The following LTBP1 variants were observed in gnomAD, a reference collection of about 807,000 sequenced individuals.
LTBP1 encodes the protein latent transforming growth factor beta binding protein 1, also known as latent-transforming growth factor beta-binding protein 1.
In LTBP1, 129 loss-of-function variants were observed where a neutral mutation model predicts 207.6. The ratio of observed to expected loss-of-function variants is 0.62; its 90% CI spans 0.54 to 0.72. The LOEUF (loss-of-function observed/expected upper bound fraction) is 0.72, where lower values mean the gene tolerates loss of function less well. LTBP1 is among the 30% of genes least tolerant of loss of function. LTBP1 has a pLI of 0.00. For synonymous variants in LTBP1, 963 were observed against 833.7 expected (o/e 1.16, Z -2.67); for missense variants, 2,281 against 2,217.2 (o/e 1.03, Z -0.58).
At chr2:33,340,419 G>A (rs1657816221) in intron 24 of LTBP1, among the ~76,000 whole-genome samples, 1 of 152,188 alleles carries the variant, frequency 6.6e-6, no homozygotes, top group African/African-American at 2.4e-5. Flanking sequence ...CAGGGCGGGA[G>A]CCTTGGCAGA....
At chr2:33,157,364 G>T (rs1368380563) in intron 5 of LTBP1, among the ~76,000 whole-genome samples, 1 of 152,356 alleles carries the variant, frequency 6.6e-6, no homozygotes, top group African/African-American at 2.4e-5. Flanking sequence ...ACAGTTGAAA[G>T]CTGATTTACC....
chr2:33,231,215 A>G lies in LTBP1; in HGVS notation c.1876+9064A>G, dbSNP rs139976686. On this transcript the variant is annotated intron_variant, in intron 9 of 33. Coordinates refer to ENST00000404816, the MANE Select transcript of LTBP1 (RefSeq NM_206943.4). ...TAGCTGGCTCCCTATGAGCCCGTTA[A>G]AGGAAATAGGAAAGAGCTAGCCACA... 3.5e-3 allele frequency among the ~76,000 whole-genome samples: 531 copies of G among 152,308 alleles called. 3 individuals carry two copies. The highest frequency in any genetic ancestry group is 0.014 in the Middle Eastern group (4 of 294).
At chr2:33,071,028 T>C (rs1034410623) in intron 3 of LTBP1, among the ~76,000 whole-genome samples, 1 of 152,222 alleles carries the variant, frequency 6.6e-6, no homozygotes, top group Non-Finnish European at 1.5e-5. Flanking sequence ...TCATACATGA[T>C]CTGGCCACAG....
At chr2:33,065,896 C>T (rs1034240155) in intron 3 of LTBP1, among the ~76,000 whole-genome samples, 2 of 152,120 alleles carry the variant, frequency 1.3e-5, no homozygotes, top group African/African-American at 4.8e-5. Context: ...TTTATATTTT[C>T]ACTTTCACTC....
chr2:33,051,015 G>C (rs568286756), intron 3 of LTBP1, among the ~76,000 whole-genome samples: 2 of 152,068 alleles, frequency 1.3e-5, no homozygotes, highest in African/African-American at 2.4e-5. Context: ...GAGCCACCGC[G>C]CCCGGCCTGA....
chr2:33,367,678 C>T (rs758380982), intron 31 of LTBP1, among the ~76,000 whole-genome samples: 2 of 152,096 alleles, frequency 1.3e-5, no homozygotes, highest in Non-Finnish European at 2.9e-5. Flanking sequence ...GTAAAACACA[C>T]GATTTTATTC....
intron 3 of LTBP1, among the ~76,000 whole-genome samples, chr2:33,043,703 A>G (rs894292924): frequency 5.3e-5 from 8 of 152,206 alleles, no homozygotes; most frequent in Non-Finnish European, 4.4e-5. Context: ...GTTTTACATG[A>G]AGTATTCCTA....
At chr2:32,977,144 A>G (rs72867817) in intron 2 of LTBP1, among the ~76,000 whole-genome samples, 23,372 of 152,190 alleles carry the variant, frequency 0.15, 2,144 homozygotes, top group Non-Finnish European at 0.21. Flanking sequence ...TCTAGCAGGC[A>G]TGGCCTGCCT....
chr2:33,260,538 C>A (rs973553272), intron 13 of LTBP1, among the ~76,000 whole-genome samples: 18 of 152,156 alleles, frequency 1.2e-4, no homozygotes, highest in Middle Eastern at 3.4e-3. Context: ...TATTCTAAAT[C>A]TTATAATTAT....
At chr2:33,331,710 G>A (rs765637955) in intron 24 of LTBP1, among the ~76,000 whole-genome samples, 1 of 152,104 alleles carries the variant, frequency 6.6e-6, no homozygotes, top group Admixed American at 6.5e-5. Context: ...CAGTTTGTAA[G>A]TTGTGTTGTT....
intron 9 of LTBP1, among the ~76,000 whole-genome samples, chr2:33,236,173 A>G (rs1393123840): frequency 6.6e-6 from 1 of 152,236 alleles, no homozygotes; most frequent in African/African-American, 2.4e-5. Context: ...CTGTTCTTCA[A>G]AACACTTAGA....
intron 5 of LTBP1, among the ~76,000 whole-genome samples, chr2:33,151,951 G>A (rs1263037298): frequency 6.6e-6 from 1 of 151,726 alleles, no homozygotes; most frequent in East Asian, 1.9e-4. Context: ...GTTGTGACTT[G>A]TGCTGCTATA....
intron 5 of LTBP1, among the ~76,000 whole-genome samples, chr2:33,139,049 G>A (rs572848264): frequency 2.3e-4 from 34 of 150,988 alleles, no homozygotes; most frequent in African/African-American, 7.5e-4. Context: ...TAGTAGAGAC[G>A]GGGTTTCACC....
intron 4 of LTBP1, among the ~76,000 whole-genome samples, chr2:33,121,606 C>G (rs559062965): frequency 1.3e-5 from 2 of 152,304 alleles, no homozygotes; most frequent in Admixed American, 6.5e-5. Flanking sequence ...AAACCAAGAG[C>G]TCTTCCTCCC....
At chr2:33,327,512 T>C (rs573432572) in intron 24 of LTBP1, among the ~76,000 whole-genome samples, 4 of 152,276 alleles carry the variant, frequency 2.6e-5, no homozygotes, top group Admixed American at 2.0e-4. Flanking sequence ...GAGTTGAGTT[T>C]TTAAGGAAAG....
chr2:33,220,067 T>C (rs1256130516), intron 8 of LTBP1, among the ~76,000 whole-genome samples: 2 of 152,230 alleles, frequency 1.3e-5, no homozygotes, highest in African/African-American at 2.4e-5. Flanking sequence ...TGTTGGCTCA[T>C]TTAATGTATA....
At chr2:33,354,098 C>G (rs756474759) in intron 26 of LTBP1, among the ~76,000 whole-genome samples, 1 of 152,038 alleles carries the variant, frequency 6.6e-6, no homozygotes, top group Non-Finnish European at 1.5e-5. Context: ...CTCCTGACCT[C>G]GTGATCCTCC....
intron 3 of LTBP1, among the ~76,000 whole-genome samples, chr2:33,025,619 A>T (rs1208146421): frequency 1.3e-5 from 2 of 152,242 alleles, no homozygotes; most frequent in African/African-American, 4.8e-5. Flanking sequence ...TGGTAATTTG[A>T]TGATATAAAT....
intron 5 of LTBP1, among the ~76,000 whole-genome samples, chr2:33,137,938 T>C (rs1238533048): frequency 6.6e-6 from 1 of 152,164 alleles, no homozygotes; most frequent in Non-Finnish European, 1.5e-5. Flanking sequence ...GAGTTGTGTC[T>C]TGTGGGAAGG....
Sources: allele counts gnomAD v4.1 joint callset (sites outside exome capture counted in the v4.1 genomes callset), GRCh38; gene constraint gnomAD v4.1.1; transcripts MANE v1.5; gene names NCBI Gene and HGNC (gene_info 2026-07-23, HGNC 2026-07-21).